The following SUGCT variants were observed in gnomAD, a reference collection of about 807,000 sequenced individuals.
SUGCT encodes succinyl-CoA:glutarate-CoA transferase.
A neutral mutation model predicts 55.0 loss-of-function variants in SUGCT; 41 were observed. The ratio of observed to expected loss-of-function variants is 0.74; its 90% CI spans 0.58 to 0.97. The LOEUF (loss-of-function observed/expected upper bound fraction) is 0.97, where lower values mean the gene tolerates loss of function less well. Ranked by LOEUF, SUGCT falls within the 50% of genes least tolerant of loss-of-function variation. The pLI is 0.00. For synonymous variants in SUGCT, 187 were observed against 200.4 expected, an observed-to-expected ratio of 0.93 and a Z score of 0.56; for missense variants, 568 against 547.8, an observed-to-expected ratio of 1.04 and a Z score of -0.37.
chr7:40,454,586 A>T (rs756389470), intron 10 of SUGCT, among the ~76,000 whole-genome samples: 39 of 144,696 alleles, frequency 2.7e-4, no homozygotes, highest in Non-Finnish European at 5.2e-4. Flanking sequence ...CAGTGGATAC[A>T]CAAAAATCAT....
In SUGCT at chr7:40,354,062, G is replaced by A. The variant is rs148289487; in HGVS notation, c.816+37207G>A. On this transcript the variant is annotated intron_variant, in intron 9 of 13. Transcript: ENST00000335693. ...TTCCAATTCTGTTTTGCCTCCCCCC[G>A]CAACAAGTAATAAATGAACACATTT... is the stretch of plus-strand genomic sequence containing the variant. 7.8e-3 allele frequency among the ~76,000 whole-genome samples: 1,185 copies of A among 152,098 alleles called. 14 individuals are homozygous for A. Among genetic ancestry groups the A allele is most frequent in the African/African-American group, 0.027 (1,114 of 41,484 alleles).
At chr7:40,717,657 G>T (rs1019463355) in intron 12 of SUGCT, among the ~76,000 whole-genome samples, 1 of 152,162 alleles carries the variant, frequency 6.6e-6, no homozygotes, top group African/African-American at 2.4e-5. Flanking sequence ...CAATTTAAAC[G>T]CACAGAAATC....
chr7:41,000,969 A>G, the SUGCT span, among the ~76,000 whole-genome samples: 1 of 152,182 alleles, frequency 6.6e-6, no homozygotes. Flanking sequence ...CTGGAAAAGA[A>G]ACATGTTTAA....
the SUGCT span, among the ~76,000 whole-genome samples, chr7:40,869,406 A>G: frequency 6.6e-6 from 1 of 152,204 alleles, no homozygotes; most frequent in Non-Finnish European, 1.5e-5. Flanking sequence ...CAGCAACAAA[A>G]CAGGGACCTC....
At chr7:40,265,032 A>G (rs1000635358) in intron 7 of SUGCT, among the ~76,000 whole-genome samples, 1 of 152,228 alleles carries the variant, frequency 6.6e-6, no homozygotes, top group Admixed American at 6.5e-5. Flanking sequence ...GAAAAAAACT[A>G]AGAAAGGCCA....
chr7:40,553,076 A>G (rs890173714), intron 12 of SUGCT, among the ~76,000 whole-genome samples: 1 of 152,232 alleles, frequency 6.6e-6, no homozygotes, highest in Non-Finnish European at 1.5e-5. Flanking sequence ...TCAAAATGGT[A>G]ACAATAGTTT....
At chr7:40,992,512 T>G in the SUGCT span, among the ~76,000 whole-genome samples, 1 of 146,004 alleles carries the variant, frequency 6.8e-6, no homozygotes, top group African/African-American at 2.5e-5. Context: ...CTCGGCCTTA[T>G]TTTACCGAGT....
At chr7:40,558,098 C>CA (rs371945593) in intron 12 of SUGCT, among the ~76,000 whole-genome samples, 1,989 of 121,492 alleles carry the variant, frequency 0.016, 33 homozygotes, top group African/African-American at 0.046. Context: ...CTATTCCATA[C>CA]AAAAAAAAAA....
chr7:40,355,327 T>C (rs866286200), intron 9 of SUGCT, among the ~76,000 whole-genome samples: 7 of 152,260 alleles, frequency 4.6e-5, no homozygotes, highest in Admixed American at 2.6e-4. Flanking sequence ...AGGTTCATCA[T>C]ATCTCATTCA....
chr7:40,359,699 T>G (rs779910503), intron 9 of SUGCT, among the ~76,000 whole-genome samples: 9 of 152,206 alleles, frequency 5.9e-5, no homozygotes, highest in Non-Finnish European at 1.3e-4. Flanking sequence ...TTTACCCTTC[T>G]GAACCTTCAT....
intron 12 of SUGCT, among the ~76,000 whole-genome samples, chr7:40,599,480 T>C (rs551173393): frequency 1.3e-5 from 2 of 152,286 alleles, no homozygotes; most frequent in South Asian, 4.1e-4. Flanking sequence ...TCAGTCCTCC[T>C]AAGAATGGAT....
At chr7:40,408,368 C>T (rs760715797) in intron 9 of SUGCT, among the ~76,000 whole-genome samples, 10 of 152,038 alleles carry the variant, frequency 6.6e-5, no homozygotes, top group East Asian at 1.9e-4. Context: ...TTCTGCAAAC[C>T]GAAGGATTGA....
chr7:40,953,894 G>A, the SUGCT span, among the ~76,000 whole-genome samples: 1 of 152,224 alleles, frequency 6.6e-6, no homozygotes, highest in African/African-American at 2.4e-5. Flanking sequence ...GGCTACTCGG[G>A]GGTCAGGGAC....
intron 8 of SUGCT, among the ~76,000 whole-genome samples, chr7:40,302,230 C>T (rs1176568187): frequency 6.6e-6 from 1 of 152,208 alleles, no homozygotes; most frequent in Non-Finnish European, 1.5e-5. Context: ...CACTCTCCTC[C>T]TTTGGCCTTT....
intron 12 of SUGCT, among the ~76,000 whole-genome samples, chr7:40,647,497 T>A (rs1800579154): frequency 6.6e-6 from 1 of 152,170 alleles, no homozygotes; most frequent in Admixed American, 6.5e-5. Flanking sequence ...TAAAATGATG[T>A]TCTGAGACAA....
chr7:40,510,892 T>C (rs1339796998), intron 12 of SUGCT, among the ~76,000 whole-genome samples: 1 of 152,098 alleles, frequency 6.6e-6, no homozygotes. Flanking sequence ...AAAAGGACCA[T>C]TGGTGGATGC....
At chr7:40,938,505 A>G in the SUGCT span, among the ~76,000 whole-genome samples, 1 of 150,790 alleles carries the variant, frequency 6.6e-6, no homozygotes, top group Non-Finnish European at 1.5e-5. Context: ...TTAAAGATAC[A>G]TTTTCTATTT....
chr7:40,721,028 A>G (rs1271184591), intron 12 of SUGCT, among the ~76,000 whole-genome samples: 2 of 152,224 alleles, frequency 1.3e-5, no homozygotes, highest in Non-Finnish European at 1.5e-5. Context: ...GAGTCTGGTC[A>G]TGGTAATTGG....
intron 13 of SUGCT, among the ~76,000 whole-genome samples, chr7:40,824,547 C>T (rs939458081): frequency 2.0e-5 from 3 of 152,298 alleles, no homozygotes; most frequent in East Asian, 1.9e-4. Context: ...CGTTGGGGTA[C>T]ATGATGCAAG....
Sources: allele counts gnomAD v4.1 joint callset (sites outside exome capture counted in the v4.1 genomes callset), GRCh38; gene constraint gnomAD v4.1.1; transcripts MANE v1.5; gene names NCBI Gene and HGNC (gene_info 2026-07-23, HGNC 2026-07-21).